Variants in RBBP8 observed in about 807,000 individuals in gnomAD.
The protein encoded by RBBP8 is DNA endonuclease RBBP8.
RBBP8 carries 88 observed loss-of-function variants against 108.3 expected under a neutral mutation model. The observed-to-expected ratio is 0.81, with a 90% CI of 0.68 to 0.97. The LOEUF (loss-of-function observed/expected upper bound fraction) is 0.97. Among genes scored for constraint, RBBP8 ranks in the 50% least tolerant of loss-of-function variants. The pLI, the probability that RBBP8 is intolerant of heterozygous loss-of-function variation, is 0.00. For missense variants in RBBP8, 1,023 were observed against 1,049.0 expected (o/e 0.98, Z 0.34); for synonymous variants, 332 against 348.2 (o/e 0.95, Z 0.52).
intron 2 of RBBP8, among the ~76,000 whole-genome samples, chr18:22,938,040 T>C (rs1192797647): frequency 6.6e-6 from 1 of 152,118 alleles, no homozygotes; most frequent in African/African-American, 2.4e-5. Context: ...TTGCCCAGGC[T>C]GGTCTTGAAC....
chr18:22,955,415 G>A (rs1318376865), intron 4 of RBBP8, among the ~76,000 whole-genome samples: 3 of 152,038 alleles, frequency 2.0e-5, no homozygotes, highest in South Asian at 4.1e-4. Context: ...ACAGTAGTTA[G>A]TATGTATTGA....
intron 4 of RBBP8, among the ~76,000 whole-genome samples, chr18:22,953,827 G>T (rs941537553): frequency 7.9e-5 from 12 of 151,964 alleles, no homozygotes; most frequent in African/African-American, 2.9e-4. Context: ...AAGAAAGGTG[G>T]TTTAGTTGAC....
chr18:23,017,679 A>G (rs945902111), intron 17 of RBBP8, among the ~76,000 whole-genome samples: 1 of 151,516 alleles, frequency 6.6e-6, no homozygotes, highest in Non-Finnish European at 1.5e-5. Flanking sequence ...ATTTTTACCA[A>G]CATTCTCAGG....
At chr18:22,957,284 ACTTTTT>A (rs1313108138) in intron 4 of RBBP8, among the ~76,000 whole-genome samples, 3 of 90,342 alleles carry the variant, frequency 3.3e-5, no homozygotes, top group Non-Finnish European at 4.4e-5. Flanking sequence ...TGTTGTAATT[ACTTTTT>A]CTTTTTTTTT....
exon 1 of RBBP8, chr18:22,914,249 G>C (rs1909269416): frequency 6.6e-6 from 1 of 152,190 alleles, no homozygotes; most frequent in South Asian, 2.1e-4. Context: ...GGGAAAGTGA[G>C]CAGTGAAACA....
chr18:22,993,867 G>A lies in RBBP8; in HGVS notation c.1939+20G>A, dbSNP rs760331915. On this transcript the variant is annotated intron_variant, in intron 12 of 18. Coordinates refer to ENST00000327155, the MANE Select transcript of RBBP8 (RefSeq NM_002894.3). ...ACCAAGGTGTGTACACCATAAACAGGATCTCCACTTTTTTAATGACTTCAG... is the reference window on the plus strand; with the variant it reads ...ACCAAGGTGTGTACACCATAAACAGAATCTCCACTTTTTTAATGACTTCAG... 7.5e-6 allele frequency: 12 copies of A among 1,606,296 alleles called. No individual in the cohort carries two copies. The highest frequency in any genetic ancestry group is 2.2e-5 in the East Asian group (1 of 44,802).
intron 14 of RBBP8, among the ~76,000 whole-genome samples, chr18:22,998,551 T>C (rs951423643): frequency 6.6e-6 from 1 of 152,238 alleles, no homozygotes; most frequent in Non-Finnish European, 1.5e-5. Context: ...ATCATCCTTA[T>C]GTATTGAAGA....
chr18:22,918,471 C>G (rs1423600655), intron 3 of RBBP8, among the ~76,000 whole-genome samples: 2 of 152,064 alleles, frequency 1.3e-5, no homozygotes, highest in Non-Finnish European at 2.9e-5. Context: ...ATTTGTGTAT[C>G]TAAACATATA....
At chr18:22,958,870 G>A (rs929726738) in intron 4 of RBBP8, among the ~76,000 whole-genome samples, 10 of 152,150 alleles carry the variant, frequency 6.6e-5, no homozygotes, top group African/African-American at 2.2e-4. Flanking sequence ...AATATTTCTT[G>A]GGCTAAAAAA....
At chr18:22,948,015 A>G (rs2144478855) in intron 3 of RBBP8, among the ~76,000 whole-genome samples, 1 of 152,254 alleles carries the variant, frequency 6.6e-6, no homozygotes, top group South Asian at 2.1e-4. Context: ...AGTTCTGTTC[A>G]TCATTTAAGA....
At chr18:23,016,692 A>C (rs1372296386) in intron 16 of RBBP8, 136 bp from the exon 17 acceptor site, 1 of 715,842 alleles carries the variant, frequency 1.4e-6, no homozygotes, top group African/African-American at 1.8e-5. Context: ...TATAGTAAGC[A>C]CTTAATAAGT....
rs769124912 is a variant in RBBP8 at position 22,946,528 on chromosome 18, A to C, written c.152+42A>C. The C allele has an allele frequency of 2.2e-5, 35 of 1,608,008 alleles. No homozygotes were observed. The Admixed American group carries it at 5.7e-4, about 26-fold the overall frequency. On this transcript the variant is annotated intron_variant, in intron 3 of 18. Coordinates refer to ENST00000327155, the MANE Select transcript of RBBP8 (RefSeq NM_002894.3). ...AATACTCATGTGTTATTTATAGAGT[A>C]GTTGATACTGATGTCCAATTTGACA...
At chr18:22,972,946 A>G (rs1914224364) in intron 5 of RBBP8, among the ~76,000 whole-genome samples, 1 of 152,178 alleles carries the variant, frequency 6.6e-6, no homozygotes, top group Non-Finnish European at 1.5e-5. Flanking sequence ...ACACCTTGCT[A>G]GAGAGCTTTT....
At chr18:23,026,024 TAATC>T (rs796506582) in intron 18 of RBBP8, 115 bp from the exon 19 acceptor site, 17 of 816,272 alleles carry the variant, frequency 2.1e-5, no homozygotes, top group African/African-American at 1.9e-4. Flanking sequence ...ACACAGCTAA[TAATC>T]AGAAGAATCA....
chr18:23,017,821 A>G (rs1414380602), intron 17 of RBBP8, among the ~76,000 whole-genome samples: 1 of 126,630 alleles, frequency 7.9e-6, no homozygotes, highest in African/African-American at 3.2e-5. Flanking sequence ...ATCTTGGCTC[A>G]CTGCAATCTC....
chr18:22,921,352 C>T (rs1909586052), intron 3 of RBBP8, among the ~76,000 whole-genome samples: 2 of 152,208 alleles, frequency 1.3e-5, no homozygotes, highest in Admixed American at 6.5e-5. Context: ...CACTTATCCA[C>T]AACTTCTGAC....
At position 22,939,140 on chromosome 18, in the gene RBBP8, T is replaced by C. The variant is rs544369139; in HGVS notation, c.109+2180T>C. Among the ~76,000 whole-genome samples, 162 of 152,328 alleles carry C rather than the reference T, an allele frequency of 1.1e-3. 1 individual carries two copies. Among genetic ancestry groups the C allele is most frequent in the Non-Finnish European group, 1.5e-3 (105 of 68,026 alleles). On this transcript the variant is annotated intron_variant, in intron 2 of 18. Transcript: ENST00000327155. ...AATATTGCAGTGCTTTATAGCTGTA[T>C]CATTACACTGGAGTACTATTAAAAC...
intron 15 of RBBP8, among the ~76,000 whole-genome samples, chr18:23,002,008 G>A (rs2045957196): frequency 6.6e-6 from 1 of 152,110 alleles, no homozygotes; most frequent in African/African-American, 2.4e-5. Flanking sequence ...ACTAAGATTA[G>A]TTTGGTATTA....
At chr18:23,025,822 T>C (rs1363655559) in intron 18 of RBBP8, among the ~76,000 whole-genome samples, 2 of 152,220 alleles carry the variant, frequency 1.3e-5, no homozygotes, top group Non-Finnish European at 2.9e-5. Context: ...ACTTTTTAGC[T>C]TTGTGAACTT....
Sources: gnomAD v4.1 joint callset for allele counts (sites outside exome capture counted in the v4.1 genomes callset) on GRCh38, gnomAD v4.1.1 for gene constraint, MANE v1.5 for transcripts, NCBI Gene and HGNC (gene_info 2026-07-23, HGNC 2026-07-21) for gene names.